The following RPL3 variants were observed in gnomAD, a reference collection of about 807,000 sequenced individuals.
RPL3 encodes the protein ribosomal protein L3.
In RPL3, 3 loss-of-function variants were observed where a neutral mutation model predicts 46.0. The ratio of observed to expected loss-of-function variants is 0.07; its 90% CI spans 0.03 to 0.17. The LOEUF is 0.17. Ranked by LOEUF, RPL3 falls within the 10% of genes least tolerant of loss-of-function variation. The probability of loss-of-function intolerance (pLI) is 1.00; values close to 1 mark genes in which losing one functional copy is unlikely to be tolerated. For missense variants in RPL3, 387 were observed against 532.7 expected, an observed-to-expected ratio of 0.73 and a Z score of 2.69; for synonymous variants, 224 against 190.8, an observed-to-expected ratio of 1.17 and a Z score of -1.43.
chr22:39,319,622 A>T lies in RPL3; in HGVS notation c.-25T>A. ...TCACGCCATCAAATCCCGCCGGTAG[A>T]GGCCGGTCGGCCTTACGGGTCCGCT... On this transcript the variant is annotated 5_prime_UTR_variant, in exon 1 of 10. Transcript: ENST00000216146. The T allele has an allele frequency of 6.5e-7, 1 of 1,548,796 alleles. No individual in the cohort carries two copies. The highest frequency in any genetic ancestry group is 8.8e-7 in the Non-Finnish European group (1 of 1,142,044).
intron 1 of RPL3, 58 bp from the exon 2 acceptor site, chr22:39,318,650 G>T: frequency 7.2e-7 from 1 of 1,398,172 alleles, no homozygotes; most frequent in Non-Finnish European, 9.7e-7. Flanking sequence ...CCCTTCTCTA[G>T]TTCCCAGCTG....
intron 2 of RPL3, 41 bp downstream of exon 2, chr22:39,318,359 T>C (rs757354599): frequency 1.9e-6 from 3 of 1,589,288 alleles, no homozygotes; most frequent in Admixed American, 1.8e-5. Context: ...TCCCTCCCCC[T>C]CCACTCCTAT....
At chr22:39,314,643 G>A (rs1922564070) in intron 6 of RPL3, 43 bp downstream of exon 6, 2 of 1,581,050 alleles carry the variant, frequency 1.3e-6, no homozygotes, top group African/African-American at 1.3e-5. Flanking sequence ...CCCCATCACG[G>A]GGGCCTCTTC....
chr22:39,317,430 A>T (rs1291495090), intron 3 of RPL3, 31 bp downstream of exon 3: 2 of 1,598,554 alleles, frequency 1.3e-6, no homozygotes, highest in Non-Finnish European at 8.5e-7. Context: ...CCAAGCTCCC[A>T]AGCTAGGGAC....
intron 1 of RPL3, chr22:39,319,178 C>T: frequency 1.8e-6 from 1 of 545,456 alleles, no homozygotes. Context: ...GAGGACTCCA[C>T]AACACTCCCC....
chr22:39,315,096 CAT>C, intron 5 of RPL3: 1 of 727,578 alleles, frequency 1.4e-6, no homozygotes, highest in Non-Finnish European at 2.4e-6. Context: ...GACTGACTAA[CAT>C]AATTCCAAGC....
rs553295728 is a variant in RPL3 at position 39,314,578 on chromosome 22, G to A, written c.849+108C>T. ...TGAGAAGCAAGCCACTGATGTCCAC[G>A]TGATGCATAAGCTACAGTCAGTGAA... is the stretch of plus-strand genomic sequence containing the variant. On this transcript the variant is annotated intron_variant, in intron 6 of 9. Transcript: ENST00000216146. The A allele has an allele frequency of 1.5e-4, 199 of 1,296,700 alleles. No homozygotes were observed. In the Middle Eastern group the frequency reaches 4.3e-3, roughly 28 times the overall value. 80.3% of individuals were successfully genotyped at this position (1,296,700 alleles called of 1,614,324 possible).
chr22:39,314,593 C>T (rs1337773723), intron 6 of RPL3, 93 bp downstream of exon 6: 2 of 1,401,760 alleles, frequency 1.4e-6, no homozygotes, highest in South Asian at 1.3e-5. Flanking sequence ...GCATAAGCTA[C>T]AGTCAGTGAA....
chr22:39,314,702 G>C lies in RPL3; in HGVS notation c.833C>G (p.Thr278Ser). ...GAACCTCACCTTCTTGTTGATCTCA[G>C]TGCGGTGATGGTAGCCTTTCTGCCC... is the stretch of plus-strand genomic sequence containing the variant. ...RAGQKGYHHRTEINKKIYKIG... is the reference protein window; with the variant it reads ...RAGQKGYHHRSEINKKIYKIG... Residue 278 changes from threonine (T) to serine (S), a missense_variant, in exon 6 of 10, where the codon ACT (threonine) becomes AGT (serine). Around this residue, in one of 5 missense-constraint regions of RPL3, gnomAD observed 131 missense variants for 185.1 expected, o/e 0.71. Transcript: ENST00000216146. The C allele has an allele frequency of 6.2e-7, 1 of 1,613,214 alleles. No homozygotes were observed. Among genetic ancestry groups the C allele is most frequent in the Non-Finnish European group, 8.5e-7 (1 of 1,179,846 alleles).
Position 39,314,663 on chromosome 22 carries a change from G to A in RPL3, c.849+23C>T, listed in dbSNP as rs754321347. 2.5e-6 allele frequency: 4 copies of A among 1,600,456 alleles called. No individual in the cohort carries two copies. The South Asian group carries it at 3.3e-5, about 13-fold the overall frequency. On this transcript the variant is annotated intron_variant, in intron 6 of 9. Transcript: ENST00000216146. ...TCACGGGGGCCTCTTCCCACCCCCA[G>A]GGAGCCACTCTCAGAACCTCACCTT...
rs547064088 is a variant in RPL3 at position 39,318,161 on chromosome 22, C to G, written c.196+239G>C. The G allele has an allele frequency of 1.2e-4, 58 of 497,764 alleles. 1 individual carries two copies. The South Asian group carries it at 1.5e-3, about 13-fold the overall frequency. 30.8% of individuals were successfully genotyped at this position (497,764 alleles called of 1,614,324 possible). ...TTTGCTAAGGTTCCTGGCAAATTTA[C>G]TATGCTCTGAAATCAATACCCCACA... On this transcript the variant is annotated intron_variant, in intron 2 of 9. Transcript: ENST00000216146.
At chr22:39,315,125 C>A in intron 5 of RPL3, 1 of 785,642 alleles carries the variant, frequency 1.3e-6, no homozygotes, top group South Asian at 1.4e-5. Context: ...TTGCAGTTAT[C>A]AGTAGGCTAC....
Position 39,319,583 on chromosome 22 carries a change from T to C in RPL3, c.3+12A>G, listed in dbSNP as rs1922927824. ...CCGGTGACAATGAAACGGCCGCCATTACAACACATACCATCACGCCATCAA... is the reference window on the plus strand; with the variant it reads ...CCGGTGACAATGAAACGGCCGCCATCACAACACATACCATCACGCCATCAA... On this transcript the variant is annotated intron_variant, in intron 1 of 9. Transcript: ENST00000216146. 1 of 1,568,884 alleles carries C rather than the reference T, an allele frequency of 6.4e-7. No homozygotes were observed. The highest frequency in any genetic ancestry group is 1.2e-5 in the South Asian group (1 of 86,042).
chr22:39,314,027 T>TAGC, intron 7 of RPL3, 80 bp downstream of exon 7: 1 of 1,189,586 alleles, frequency 8.4e-7, no homozygotes, highest in Non-Finnish European at 1.3e-6. Context: ...ACGATCCTGC[T>TAGC]AGCAGCCCCT....
In RPL3 at chr22:39,315,653, G is replaced by C. The variant is rs1030551914; in HGVS notation, c.502-98C>G. On this transcript the variant is annotated intron_variant, in intron 4 of 9. Transcript: ENST00000216146. ...GCGGCCTGATTGATGTCAAGCACAC[G>C]GCAAAAAGCCAGTAACTCTGAACAA... 5.7e-6 allele frequency: 8 copies of C among 1,413,022 alleles called. No homozygotes were observed. In the African/African-American group the frequency reaches 1.1e-4, roughly 20 times the overall value. 87.5% of individuals were successfully genotyped at this position (1,413,022 alleles called of 1,614,324 possible).
Position 39,316,847 on chromosome 22 carries a change from G to A in RPL3, c.366-6C>T, listed in dbSNP as rs941135446. 6.2e-6 allele frequency: 10 copies of A among 1,613,634 alleles called. No homozygotes were observed. The Admixed American group carries it at 1.3e-4, about 22-fold the overall frequency. On this transcript the variant is annotated splice_polypyrimidine_tract_variant and splice_region_variant and intron_variant, in intron 3 of 9. Transcript: ENST00000216146. ...CCTTCTTCTTAGATTTATGCCTTCA[G>A]GAGCAGAGCAGAGTTGGGGAGGGGA... is the stretch of plus-strand genomic sequence containing the variant.
intron 2 of RPL3, chr22:39,318,142 A>C: frequency 2.1e-6 from 1 of 468,686 alleles, no homozygotes; most frequent in Non-Finnish European, 3.8e-6. Context: ...TCTCTTTGCT[A>C]AGGTTCCTGG....
chr22:39,315,584 C>T, intron 4 of RPL3, 29 bp from the exon 5 acceptor site: 1 of 1,611,648 alleles, frequency 6.2e-7, no homozygotes, highest in Non-Finnish European at 8.5e-7. Flanking sequence ...AGCTCAGCTC[C>T]AGCTGCCAGC....
In RPL3 at chr22:39,313,004, G is replaced by A. The variant is rs2014842; in HGVS notation, c.1168-20C>T. ...TGGTCCCTGTGGGGAGAGAGGCAGT[G>A]GTCAGAGGTAGAAGATGACAGGTGA... On this transcript the variant is annotated intron_variant, in intron 9 of 9. Coordinates refer to ENST00000216146, the MANE Select transcript of RPL3 (RefSeq NM_000967.4). 0.19 allele frequency: 313,653 copies of A among 1,613,252 alleles called. 39,345 individuals carry two copies. Among genetic ancestry groups the A allele is most frequent in the East Asian group, 0.72 (32,102 of 44,852 alleles).
Sources: gnomAD v4.1 joint callset for allele counts on GRCh38, gnomAD v4.1.1 for gene constraint, gnomAD v4.1.1 regional missense constraint, MANE v1.5 for transcripts, NCBI Gene and HGNC (gene_info 2026-07-23, HGNC 2026-07-21) for gene names.